The following ITPR3 variants were observed in gnomAD, a reference collection of about 807,000 sequenced individuals.
ITPR3 encodes the protein inositol 1,4,5-trisphosphate receptor type 3.
A neutral mutation model predicts 293.2 loss-of-function variants in ITPR3; 173 were observed. That is an observed-to-expected ratio of 0.59 (90% CI 0.52 to 0.67). The LOEUF is 0.67. Among genes scored for constraint, ITPR3 ranks in the 30% least tolerant of loss-of-function variants. The pLI is 0.00. For missense variants in ITPR3, 2,796 were observed against 3,592.1 expected (o/e 0.78, Z 5.66); for synonymous variants, 1,295 against 1,444.4 (o/e 0.90, Z 2.35).
Position 33,655,673 on chromosome 6 carries a change from GGGAGA to G in ITPR3, c.161-91_161-87del. 2 of 1,535,268 alleles carry G rather than the reference GGGAGA, an allele frequency of 1.3e-6. No individual in the cohort carries two copies. Among genetic ancestry groups the G allele is most frequent in the South Asian group, 1.2e-5 (1 of 85,230 alleles). The stretch of plus-strand genomic sequence containing the variant: ...CGGGGAACGGGGGTGGGGAAGGGTT[GGGAGA>G]GAAGAGCTGCAGGCTGGGGTTTTCT... On this transcript the variant is annotated intron_variant, in intron 2 of 57. Transcript: ENST00000605930. This position sits in a 1 kb window ranked among gnomAD's most constrained non-coding sequence, Gnocchi z 4.9.
In ITPR3 at chr6:33,657,921, T is replaced by C. The variant is rs1442183782; in HGVS notation, c.283-11T>C. 18 of 1,612,228 alleles carry C rather than the reference T, an allele frequency of 1.1e-5. No homozygotes were observed. Among genetic ancestry groups the C allele is most frequent in the Non-Finnish European group, 1.4e-5 (17 of 1,178,838 alleles). On this transcript the variant is annotated splice_polypyrimidine_tract_variant and intron_variant, in intron 3 of 57. Transcript: ENST00000605930. ...TGAGCCCACCCTTCACTTCTGTGTG[T>C]GTCTGTGCAGCATGCGGCGCAGATG...
At chr6:33,694,851 A>G (rs1356855983) in intron 56 of ITPR3, 73 bp from the exon 57 acceptor site, 1 of 1,586,972 alleles carries the variant, frequency 6.3e-7, no homozygotes, top group Admixed American at 1.7e-5. Context: ...CTCCCCCCAC[A>G]TTACTGTTTT....
intron 56 of ITPR3, chr6:33,694,691 TG>T: frequency 1.9e-6 from 1 of 539,616 alleles, no homozygotes; most frequent in South Asian, 2.3e-5. Context: ...CTGCCGACGC[TG>T]CCTAACGGAA....
chr6:33,684,786 A>C lies in ITPR3; in HGVS notation c.5150A>C (p.Asp1717Ala). The C allele has an allele frequency of 1.2e-6, 2 of 1,612,062 alleles. No individual in the cohort carries two copies. Residue 1717 changes from aspartate (D) to alanine (A), a missense_variant, in exon 39 of 58, where the codon GAC becomes GCC. Asp to Ala is a moderately radical substitution (Grantham distance 126). Around this residue, in one of 8 missense-constraint regions of ITPR3, gnomAD observed 704 missense variants for 797.5 expected, o/e 0.88. Transcript: ENST00000605930. The surrounding 1 kb of genome is among the most constrained non-coding windows in gnomAD (Gnocchi z 4.2). ...PDPIGTGLDP[D>A]WSAIAATQCR... ...GTCCCGCCTCCAGGCCTGGACCCAGACTGGTCGGCAATCGCAGCCACCCAG... is the reference window on the plus strand; with the variant it reads ...GTCCCGCCTCCAGGCCTGGACCCAGCCTGGTCGGCAATCGCAGCCACCCAG...
At chr6:33,647,658 C>T (rs1274170205) in intron 2 of ITPR3, among the ~76,000 whole-genome samples, 2 of 152,174 alleles carry the variant, frequency 1.3e-5, no homozygotes, top group African/African-American at 4.8e-5. Context: ...ATAATGGGTT[C>T]ATCCATGTTG....
rs756743344 is a variant in ITPR3, at chr6:33,694,965, C to A, written c.7827C>A (p.Ser2609=). 1 of 1,614,028 alleles carries A rather than the reference C, an allele frequency of 6.2e-7. No homozygotes were observed. The highest frequency in any genetic ancestry group is 1.3e-5 in the African/African-American group (1 of 74,924). ...LDWFPRMRAM[S]LVSNEGEGEQ... is the part of the protein sequence containing the mutation. ...GGTTCCCCCGGATGCGGGCCATGTC[C>A]CTTGTCAGCAATGAGGGCGAGGGGG... Residue 2609 remains serine, a synonymous_variant, in exon 57 of 58, where the codon TCC becomes TCA. Coordinates refer to ENST00000605930, the MANE Select transcript of ITPR3 (RefSeq NM_002224.4).
Position 33,692,462 on chromosome 6 carries a change from A to C in ITPR3, c.7459-266A>C, listed in dbSNP as rs1246505793. Among the ~76,000 whole-genome samples the C allele has an allele frequency of 6.6e-6, 1 of 150,996 alleles. No individual in the cohort carries two copies. The highest frequency in any genetic ancestry group is 2.0e-4 in the East Asian group (1 of 5,106). ...AGACTCGTAGCCCTACCTCCCCGCC[A>C]GACTCCTTCTGCAGGCCTCCACCCC... On this transcript the variant is annotated intron_variant, in intron 54 of 57. Coordinates refer to ENST00000605930, the MANE Select transcript of ITPR3 (RefSeq NM_002224.4). The surrounding 1 kb of genome is among the most constrained non-coding windows in gnomAD (Gnocchi z 4.2).
In ITPR3 at chr6:33,658,949, A is replaced by G; in HGVS notation, c.529-72A>G. 1 of 1,600,142 alleles carries G rather than the reference A, an allele frequency of 6.2e-7. No individual in the cohort carries two copies. Among genetic ancestry groups the G allele is most frequent in the Non-Finnish European group, 8.6e-7 (1 of 1,168,444 alleles). ...TCTTAGAAGGGCAGACTGAGACCAA[A>G]GGGAGGCCTGGAGGCGTGGTGACAA... On this transcript the variant is annotated intron_variant, in intron 5 of 57. Coordinates refer to ENST00000605930, the MANE Select transcript of ITPR3 (RefSeq NM_002224.4). The surrounding 1 kb of genome is among the most constrained non-coding windows in gnomAD (Gnocchi z 6.1).
At position 33,687,196 on chromosome 6, in the gene ITPR3, A is replaced by G; in HGVS notation, c.6076-30A>G. Reference sequence around the variant, plus strand: ...CGGCTGGCCCTACCGCCCTAGGAAGAGAGCATTGGAACAGGCACTGCCCCT... The same window carrying G: ...CGGCTGGCCCTACCGCCCTAGGAAGGGAGCATTGGAACAGGCACTGCCCCT... On this transcript the variant is annotated intron_variant, in intron 44 of 57. Transcript: ENST00000605930. This position sits in a 1 kb window ranked among gnomAD's most constrained non-coding sequence, Gnocchi z 5.3. 1 of 1,597,652 alleles carries G rather than the reference A, an allele frequency of 6.3e-7. No homozygotes were observed. The highest frequency in any genetic ancestry group is 8.6e-7 in the Non-Finnish European group (1 of 1,165,478).
chr6:33,651,868 C>T (rs1036792513), intron 2 of ITPR3, among the ~76,000 whole-genome samples: 10 of 152,182 alleles, frequency 6.6e-5, no homozygotes, highest in African/African-American at 1.9e-4. Context: ...GTCCTCATGC[C>T]GTTTTAAGCA....
rs142448269 is a variant in ITPR3, at chr6:33,677,415, G to A, written c.3523-89G>A. 2.2e-3 allele frequency: 3,380 copies of A among 1,559,772 alleles called. 16 individuals are homozygous for A. The highest frequency in any genetic ancestry group is 7.6e-3 in the Middle Eastern group (42 of 5,508). On this transcript the variant is annotated intron_variant, in intron 27 of 57. Coordinates refer to ENST00000605930, the MANE Select transcript of ITPR3 (RefSeq NM_002224.4). ...ACCTCCTTCCCCCTTCCTGTCCCGG[G>A]TGCCAGCTGGAACTTGGCTGTGGTG...
Position 33,680,416 on chromosome 6 carries a change from T to C in ITPR3, c.4312T>C (p.Trp1438Arg), listed in dbSNP as rs765926236. ...GGAGATCTACACCAGCAACCACATC[T>C]GGACGCTCTTTGAGAACTTCACCCT... is the stretch of plus-strand genomic sequence containing the variant. ...MKEIYTSNHI[W>R]TLFENFTLDM... The change falls in exon 32 of 58, where the codon TGG becomes CGG. Residue 1438 changes from tryptophan (W) to arginine (R), a missense_variant. Physicochemically the swap from Trp to Arg is moderately radical, Grantham distance 101. Coordinates refer to ENST00000605930, the MANE Select transcript of ITPR3 (RefSeq NM_002224.4). The C allele has an allele frequency of 1.9e-6, 3 of 1,613,556 alleles. No individual in the cohort carries two copies. In the African/African-American group the frequency reaches 4.0e-5, roughly 22 times the overall value.
chr6:33,629,783 C>G (rs1219222011), intron 1 of ITPR3, among the ~76,000 whole-genome samples: 3 of 151,678 alleles, frequency 2.0e-5, no homozygotes, highest in African/African-American at 7.2e-5. Flanking sequence ...CCGGGCCTGA[C>G]CATTGGTTTC....
Position 33,684,069 on chromosome 6 carries a change from A to G in ITPR3, c.4838A>G (p.Glu1613Gly). Residue 1613 changes from glutamate (E) to glycine (G), a missense_variant, in exon 36 of 58, where the codon GAG becomes GGG. Glu to Gly is a moderately conservative substitution (Grantham distance 98). This residue lies in a region of ITPR3 where 704 missense variants were observed against 797.5 expected (regional missense o/e 0.88). Coordinates refer to ENST00000605930, the MANE Select transcript of ITPR3 (RefSeq NM_002224.4). This position sits in a 1 kb window ranked among gnomAD's most constrained non-coding sequence, Gnocchi z 4.2. Reference protein sequence around the residue: ...EERLKPLVQAELSVLVDVLHW... With the variant: ...EERLKPLVQAGLSVLVDVLHW... Reference sequence around the variant, plus strand: ...CGGCTGAAGCCCCTGGTACAGGCTGAGCTGTCCGTGCTGGTGGATGTCCTG... The same window carrying G: ...CGGCTGAAGCCCCTGGTACAGGCTGGGCTGTCCGTGCTGGTGGATGTCCTG... The G allele has an allele frequency of 6.2e-7, 1 of 1,611,564 alleles. No homozygotes were observed. The highest frequency in any genetic ancestry group is 8.5e-7 in the Non-Finnish European group (1 of 1,179,936).
Position 33,670,844 on chromosome 6 carries a change from G to C in ITPR3, c.2586+29G>C. On this transcript the variant is annotated intron_variant, in intron 20 of 57. Transcript: ENST00000605930. The surrounding 1 kb of genome is among the most constrained non-coding windows in gnomAD (Gnocchi z 6.7). ...GCTGGGGGAGTGCCCAGGGGCTGGG[G>C]GTCCGTGGAGCTCTTGTTGGCCCCA... The C allele has an allele frequency of 6.2e-7, 1 of 1,607,850 alleles. No individual in the cohort carries two copies. The highest frequency in any genetic ancestry group is 8.5e-7 in the Non-Finnish European group (1 of 1,178,164).
rs760394466 is a variant in ITPR3, at chr6:33,670,697, G to A, written c.2468G>A (p.Arg823Gln). The change falls in exon 20 of 58, where the codon CGA (arginine) becomes CAA (glutamine). Residue 823 changes from arginine to glutamine, a missense_variant. By Grantham distance (43) the Arg-to-Gln change is conservative (BLOSUM62 1). Coordinates refer to ENST00000605930, the MANE Select transcript of ITPR3 (RefSeq NM_002224.4). The surrounding 1 kb of genome is among the most constrained non-coding windows in gnomAD (Gnocchi z 6.7). ...TATGATTCCAACCTCAACGCGTCCC[G>A]AGATGACAAGAAGAACAAGTTTGCC... ...KDYDSNLNAS[R>Q]DDKKNKFANT... The A allele has an allele frequency of 2.6e-5, 42 of 1,614,028 alleles. No homozygotes were observed. Among genetic ancestry groups the A allele is most frequent in the African/African-American group, 4.0e-5 (3 of 74,912 alleles).
rs1222137148 is a variant in ITPR3, at chr6:33,679,528, T to TG, written c.3973-353dup. 3.9e-5 allele frequency among the ~76,000 whole-genome samples: 6 copies of TG among 152,306 alleles called. No individual in the cohort carries two copies. In the East Asian group the frequency reaches 1.2e-3, roughly 29 times the overall value. On this transcript the variant is annotated intron_variant, in intron 30 of 57. Transcript: ENST00000605930. This position sits in a 1 kb window ranked among gnomAD's most constrained non-coding sequence, Gnocchi z 4.2. ...TGCAGTCGCTGGCACGAGAGGTGTG[T>TG]GCTCAGTGAGGAGGGTTTAAGTAAC...
intron 9 of ITPR3, 74 bp downstream of exon 9, chr6:33,663,080 C>T (rs1408059878): frequency 2.4e-6 from 3 of 1,256,768 alleles, no homozygotes; most frequent in Non-Finnish European, 3.4e-6. Context: ...CATGTGTGCA[C>T]ATACTTGCAT....
At position 33,675,574 on chromosome 6, in the gene ITPR3, C is replaced by T; in HGVS notation, c.3117-117C>T. 9.1e-7 allele frequency: 1 copy of T among 1,103,056 alleles called. No homozygotes were observed. Among genetic ancestry groups the T allele is most frequent in the Non-Finnish European group, 1.3e-6 (1 of 779,996 alleles). The allele number at this position is 1,103,056 out of a possible 1,614,324, so 68.3% of individuals were successfully genotyped here. A position where few individuals can be genotyped will look rare whatever the true frequency, so the allele number is the denominator to read the frequency against. On this transcript the variant is annotated intron_variant, in intron 24 of 57. Transcript: ENST00000605930. This position sits in a 1 kb window ranked among gnomAD's most constrained non-coding sequence, Gnocchi z 5.0. ...AATATTTTAAACACATTTAGACTGG[C>T]CCTGCATCTGCTAATTGGGTGGCGG...
Sources: gnomAD v4.1 joint callset for allele counts (sites outside exome capture counted in the v4.1 genomes callset) on GRCh38, gnomAD v4.1.1 for gene constraint, gnomAD v4.1.1 regional missense constraint, Gnocchi (gnomAD v3.1) non-coding constraint, MANE v1.5 for transcripts, NCBI Gene and HGNC (gene_info 2026-07-23, HGNC 2026-07-21) for gene names.